Variants in NEGR1 observed in about 807,000 individuals in gnomAD.
The protein encoded by NEGR1 is IgLON family member 4.
In NEGR1, 10 loss-of-function variants were observed where a neutral mutation model predicts 40.9. The observed-to-expected ratio is 0.24, with a 90% CI of 0.15 to 0.42. The LOEUF (loss-of-function observed/expected upper bound fraction) is 0.42. Among genes scored for constraint, NEGR1 ranks in the 10% least tolerant of loss-of-function variants. The pLI, the probability that NEGR1 is intolerant of heterozygous loss-of-function variation, is 1.00. For missense variants in NEGR1, 352 were observed against 438.9 expected (o/e 0.80, Z 1.77); for synonymous variants, 185 against 166.8 (o/e 1.11, Z -0.84).
At chr1:71,591,422 A>T (rs928866159) in intron 6 of NEGR1, among the ~76,000 whole-genome samples, 1 of 152,206 alleles carries the variant, frequency 6.6e-6, no homozygotes, top group South Asian at 2.1e-4. Context: ...AAATTTAAAT[A>T]GCAAAACGTA....
chr1:72,223,863 C>G (rs1162904261), intron 1 of NEGR1, among the ~76,000 whole-genome samples: 1 of 152,026 alleles, frequency 6.6e-6, no homozygotes, highest in Non-Finnish European at 1.5e-5. Context: ...TCAGCAACAT[C>G]CCCATCTCCC....
At chr1:71,590,470 G>T (rs958398976) in intron 6 of NEGR1, among the ~76,000 whole-genome samples, 10 of 151,802 alleles carry the variant, frequency 6.6e-5, no homozygotes, top group Non-Finnish European at 1.0e-4. Context: ...CTTCAGGATG[G>T]GGTTCCAGTC....
chr1:72,000,925 C>G (rs1247295107), intron 1 of NEGR1, among the ~76,000 whole-genome samples: 1 of 152,084 alleles, frequency 6.6e-6, no homozygotes, highest in Non-Finnish European at 1.5e-5. Context: ...GATAAGGGAA[C>G]TTGCAAAGGA....
intron 6 of NEGR1, among the ~76,000 whole-genome samples, chr1:71,539,541 C>T (rs574412407): frequency 2.0e-5 from 3 of 151,550 alleles, no homozygotes; most frequent in East Asian, 2.0e-4. Context: ...TGGAGGTGTT[C>T]GAGTAGATGT....
chr1:72,190,906 T>C (rs1237431877), intron 1 of NEGR1, among the ~76,000 whole-genome samples: 1 of 151,704 alleles, frequency 6.6e-6, no homozygotes, highest in Non-Finnish European at 1.5e-5. Flanking sequence ...CTTCAACCCA[T>C]TAACTAGTCT....
chr1:71,421,541 G>A (rs1381934864), intron 6 of NEGR1: 2 of 152,018 alleles, frequency 1.3e-5, no homozygotes, highest in African/African-American at 2.4e-5. Flanking sequence ...TAGCACACTA[G>A]TATCTAAGAG....
chr1:72,050,689 G>C lies in NEGR1; in HGVS notation c.177-115378C>G, dbSNP rs115882135. Among the ~76,000 whole-genome samples, 1,313 of 151,504 alleles carry C rather than the reference G, an allele frequency of 8.7e-3. 17 individuals carry two copies. The highest frequency in any genetic ancestry group is 0.031 in the African/African-American group (1,266 of 41,410). On this transcript the variant is annotated intron_variant, in intron 1 of 6. Transcript: ENST00000357731. ...TTTGACTTCTGGCATTCACAACCTT[G>C]TATAGTTCCCCATCTCACTGAATAA...
chr1:71,973,028 T>C (rs1403486467), intron 1 of NEGR1, among the ~76,000 whole-genome samples: 1 of 152,188 alleles, frequency 6.6e-6, no homozygotes, highest in Non-Finnish European at 1.5e-5. Context: ...ACCGAAGTTT[T>C]AAAATATAAA....
intron 6 of NEGR1, among the ~76,000 whole-genome samples, chr1:71,450,060 A>G (rs1395788844): frequency 1.4e-5 from 2 of 146,450 alleles, no homozygotes; most frequent in East Asian, 4.1e-4. Context: ...GTCCACTCTT[A>G]GCTCACTGCA....
chr1:71,922,215 G>C (rs1645726954), intron 2 of NEGR1, among the ~76,000 whole-genome samples: 1 of 152,120 alleles, frequency 6.6e-6, no homozygotes, highest in African/African-American at 2.4e-5. Context: ...CTTTGGAGGA[G>C]ACACCGCCTG....
At chr1:71,695,438 A>C (rs2101626490) in intron 4 of NEGR1, among the ~76,000 whole-genome samples, 1 of 151,856 alleles carries the variant, frequency 6.6e-6, no homozygotes, top group African/African-American at 2.4e-5. Context: ...AACTGTACTT[A>C]TCTACCTGAA....
At chr1:71,853,865 C>T (rs531617470) in intron 2 of NEGR1, among the ~76,000 whole-genome samples, 29 of 152,140 alleles carry the variant, frequency 1.9e-4, no homozygotes, top group African/African-American at 5.5e-4. Flanking sequence ...CATTGCTAGA[C>T]GTCTGTTTTA....
At chr1:71,777,701 GATA>G (rs1209140493) in intron 2 of NEGR1, among the ~76,000 whole-genome samples, 2 of 151,878 alleles carry the variant, frequency 1.3e-5, no homozygotes, top group Non-Finnish European at 2.9e-5. Context: ...CTGTTGTGAC[GATA>G]AATTACCCAT....
chr1:72,037,231 T>C (rs1281580431), intron 1 of NEGR1, among the ~76,000 whole-genome samples: 1 of 152,180 alleles, frequency 6.6e-6, no homozygotes, highest in Non-Finnish European at 1.5e-5. Flanking sequence ...TTGGAATAGA[T>C]ATTTAGTAGA....
chr1:72,015,612 C>G (rs1244297704), intron 1 of NEGR1, among the ~76,000 whole-genome samples: 1 of 152,098 alleles, frequency 6.6e-6, no homozygotes, highest in African/African-American at 2.4e-5. Context: ...TGAGGCTGTA[C>G]TGAGCTGTGT....
intron 1 of NEGR1, among the ~76,000 whole-genome samples, chr1:72,243,873 C>A (rs746120664): frequency 2.0e-5 from 3 of 151,672 alleles, no homozygotes; most frequent in African/African-American, 7.3e-5. Context: ...GGTTTTGATA[C>A]ATAGCAATCT....
chr1:71,815,899 G>A (rs60209947), intron 2 of NEGR1, among the ~76,000 whole-genome samples: 7,857 of 152,082 alleles, frequency 0.052, 346 homozygotes, highest in African/African-American at 0.12. Flanking sequence ...TGGTTGAAGT[G>A]ATAAAAGGTT....
chr1:72,109,468 A>G (rs1649268743), intron 1 of NEGR1, among the ~76,000 whole-genome samples: 1 of 151,646 alleles, frequency 6.6e-6, no homozygotes, highest in Non-Finnish European at 1.5e-5. Flanking sequence ...AATTTTTCCT[A>G]AAAAATGTCT....
intron 1 of NEGR1, among the ~76,000 whole-genome samples, chr1:72,234,005 CA>C (rs1654466336): frequency 6.6e-6 from 1 of 151,990 alleles, no homozygotes; most frequent in South Asian, 2.1e-4. Flanking sequence ...ATTTTAAGTT[CA>C]GGGGTACATG....
Sources: gnomAD v4.1 joint callset for allele counts (sites outside exome capture counted in the v4.1 genomes callset) on GRCh38, gnomAD v4.1.1 for gene constraint, MANE v1.5 for transcripts, NCBI Gene and HGNC (gene_info 2026-07-23, HGNC 2026-07-21) for gene names.